EXPH5: variants seen among roughly 807,000 people sequenced by gnomAD.
The protein encoded by EXPH5 is exophilin-5.
Under a neutral mutation model 41.1 loss-of-function variants are expected in EXPH5, and 42 were observed. That is an observed-to-expected ratio of 1.02 (90% CI 0.80 to 1.32). The LOEUF (loss-of-function observed/expected upper bound fraction) is 1.32. EXPH5 is among the 40% of genes most tolerant of loss of function. The probability of loss-of-function intolerance (pLI) is 0.00; values close to 1 mark genes in which losing one functional copy is unlikely to be tolerated. For missense variants in EXPH5, 2,298 were observed against 2,314.5 expected (o/e 0.99, Z 0.15); for synonymous variants, 798 against 833.5 (o/e 0.96, Z 0.73).
intron 1 of EXPH5, among the ~76,000 whole-genome samples, chr11:108,573,647 A>G (rs1364958571): frequency 6.6e-6 from 1 of 152,258 alleles, no homozygotes; most frequent in Non-Finnish European, 1.5e-5. Context: ...CAATGGTACT[A>G]TGACAATTTG....
chr11:108,511,907 TCTC>T lies in EXPH5; in HGVS notation c.3597_3599del (p.Arg1200del). The T allele has an allele frequency of 6.3e-7, 1 of 1,593,450 alleles. No individual in the cohort carries two copies. The highest frequency in any genetic ancestry group is 8.5e-7 in the Non-Finnish European group (1 of 1,173,988). On this transcript the variant is annotated inframe_deletion, in exon 6 of 6. Transcript: ENST00000265843. ...CTTCATTTGAAAGAGCAAATACACT[TCTC>T]CTGGAGGCAGCCATTTTACCCTCTT...
At chr11:108,529,598 A>G (rs1448941428) in intron 3 of EXPH5, among the ~76,000 whole-genome samples, 1 of 152,182 alleles carries the variant, frequency 6.6e-6, no homozygotes, top group Non-Finnish European at 1.5e-5. Context: ...TAATCCCAGC[A>G]CTTTGGGAGG....
rs771747377 is a variant in EXPH5 at position 108,593,629 on chromosome 11, T to G, written c.-93A>C. The G allele has an allele frequency of 5.6e-6, 9 of 1,603,850 alleles. No homozygotes were observed. Among genetic ancestry groups the G allele is most frequent in the Non-Finnish European group, 6.8e-6 (8 of 1,174,342 alleles). ...CTGTACAAGACCAGTTTCACGAACT[T>G]GATCCCACAGCCAATAATAAGTCCG... On this transcript the variant is annotated 5_prime_UTR_variant, in exon 1 of 6. Coordinates refer to ENST00000265843, the MANE Select transcript of EXPH5 (RefSeq NM_015065.3).
Position 108,533,672 on chromosome 11 carries a change from TA to T in EXPH5, c.443+5351del, listed in dbSNP as rs1302841036. ...AGCTAGAGGAAAGTTTCTCAGTCTCTACACTGTTGACGTTTCTTTGTCGTGG... is the reference window on the plus strand; with the variant it reads ...AGCTAGAGGAAAGTTTCTCAGTCTCTCACTGTTGACGTTTCTTTGTCGTGG... On this transcript the variant is annotated intron_variant, in intron 3 of 5. Transcript: ENST00000265843. 7.2e-5 allele frequency among the ~76,000 whole-genome samples: 11 copies of T among 152,330 alleles called. No homozygotes were observed. In the East Asian group the frequency reaches 1.7e-3, roughly 24 times the overall value.
chr11:108,528,521 G>T (rs550392715), intron 3 of EXPH5, among the ~76,000 whole-genome samples: 2 of 152,178 alleles, frequency 1.3e-5, no homozygotes, highest in South Asian at 4.2e-4. Flanking sequence ...CTTTGTGCGT[G>T]TTAATTCATT....
At chr11:108,571,827 A>G (rs546300868) in intron 1 of EXPH5, among the ~76,000 whole-genome samples, 14 of 152,124 alleles carry the variant, frequency 9.2e-5, no homozygotes, top group African/African-American at 1.7e-4. Context: ...TTGGGAGGCC[A>G]AGGCGGGCGG....
the EXPH5 span, among the ~76,000 whole-genome samples, chr11:108,604,282 G>C: frequency 6.6e-6 from 1 of 150,652 alleles, no homozygotes; most frequent in African/African-American, 2.4e-5. Flanking sequence ...TGTAGTCCCA[G>C]CTACTTAGGT....
At chr11:108,598,497 AG>A (rs920331343), upstream of EXPH5, among the ~76,000 whole-genome samples, 39 of 150,210 alleles carry the variant, frequency 2.6e-4, no homozygotes, top group African/African-American at 9.3e-4. Flanking sequence ...ATAAATAAAA[AG>A]ATTTACCACG....
intron 1 of EXPH5, among the ~76,000 whole-genome samples, chr11:108,582,854 G>T: frequency 6.6e-6 from 1 of 152,170 alleles, no homozygotes; most frequent in African/African-American, 2.4e-5. Flanking sequence ...CTGCGTGCTT[G>T]TCTGTCTTTG....
intron 1 of EXPH5, among the ~76,000 whole-genome samples, chr11:108,553,538 T>A (rs897218702): frequency 4.6e-5 from 7 of 152,206 alleles, no homozygotes; most frequent in African/African-American, 1.7e-4. Context: ...TGAGCCAGCT[T>A]GGAAATCACC....
At chr11:108,597,187 A>AT (rs1164169485), upstream of EXPH5, among the ~76,000 whole-genome samples, 1 of 151,954 alleles carries the variant, frequency 6.6e-6, no homozygotes, top group Non-Finnish European at 1.5e-5. Context: ...TGAATGTCTG[A>AT]TTTTTTTATT....
the EXPH5 span, among the ~76,000 whole-genome samples, chr11:108,599,238 T>C: frequency 2.0e-5 from 3 of 152,122 alleles, no homozygotes; most frequent in African/African-American, 7.2e-5. Context: ...TTAAATGTTT[T>C]AAATTGAAAA....
intron 3 of EXPH5, among the ~76,000 whole-genome samples, chr11:108,531,720 G>A (rs536802296): frequency 6.6e-6 from 1 of 152,246 alleles, no homozygotes; most frequent in South Asian, 2.1e-4. Context: ...TGTTGGTGGG[G>A]CACACTTTAC....
chr11:108,519,834 C>T (rs1203359956), intron 4 of EXPH5, among the ~76,000 whole-genome samples: 3 of 151,448 alleles, frequency 2.0e-5, no homozygotes, highest in Admixed American at 6.6e-5. Flanking sequence ...TCTGTAATCC[C>T]AGCTACCTGG....
chr11:108,520,591 C>T (rs980414964), intron 4 of EXPH5, among the ~76,000 whole-genome samples: 6 of 143,500 alleles, frequency 4.2e-5, no homozygotes, highest in African/African-American at 1.4e-4. Flanking sequence ...TATTTTGAGG[C>T]GGAGTCTCCC....
intron 1 of EXPH5, among the ~76,000 whole-genome samples, chr11:108,576,828 T>C (rs1435507879): frequency 6.6e-6 from 1 of 152,194 alleles, no homozygotes. Context: ...TAGATATTAT[T>C]CCTTCTATCT....
intron 1 of EXPH5, among the ~76,000 whole-genome samples, chr11:108,572,469 A>C (rs1244471419): frequency 6.6e-6 from 1 of 152,156 alleles, no homozygotes; most frequent in Non-Finnish European, 1.5e-5. Flanking sequence ...TTACCAGCCC[A>C]CCTGTGAGTG....
rs915294969 is a variant in EXPH5 at position 108,505,590 on chromosome 11, A to G, written c.*3947T>C. On this transcript the variant is annotated 3_prime_UTR_variant, in exon 6 of 6. Coordinates refer to ENST00000265843, the MANE Select transcript of EXPH5 (RefSeq NM_015065.3). ...AGTGCTTACAGCTTATTTGTTTCAG[A>G]TATACAGAACTGCCAGTCACAAAGA... 9.9e-5 allele frequency: 15 copies of G among 152,200 alleles called. No homozygotes were observed. The highest frequency in any genetic ancestry group is 3.6e-4 in the African/African-American group (15 of 41,434). 9.4% of individuals were successfully genotyped at this position (152,200 alleles called of 1,614,324 possible). A position where few individuals can be genotyped will look rare whatever the true frequency, so the allele number is the denominator to read the frequency against.
At chr11:108,579,853 G>A (rs1457872383) in intron 1 of EXPH5, among the ~76,000 whole-genome samples, 1 of 152,132 alleles carries the variant, frequency 6.6e-6, no homozygotes, top group Non-Finnish European at 1.5e-5. Context: ...TTGAGGAGTA[G>A]GAAAAGGGTT....
Sources: allele counts gnomAD v4.1 joint callset (sites outside exome capture counted in the v4.1 genomes callset), GRCh38; gene constraint gnomAD v4.1.1; transcripts MANE v1.5; gene names NCBI Gene and HGNC (gene_info 2026-07-23, HGNC 2026-07-21).